The following TPR variants were observed in gnomAD, a reference collection of about 807,000 sequenced individuals.
TPR encodes nucleoprotein TPR.
TPR carries 51 observed loss-of-function variants against 316.1 expected under a neutral mutation model. The ratio of observed to expected loss-of-function variants is 0.16; its 90% CI spans 0.13 to 0.20. TPR has a LOEUF of 0.20. Ranked by LOEUF, TPR falls within the 10% of genes least tolerant of loss-of-function variation. The pLI is 1.00. For synonymous variants in TPR, 981 were observed against 914.7 expected (o/e 1.07, Z -1.31); for missense variants, 2,272 against 2,754.8 (o/e 0.82, Z 3.92).
intron 12 of TPR, among the ~76,000 whole-genome samples, chr1:186,359,038 C>G (rs546357174): frequency 5.8e-4 from 88 of 152,156 alleles, no homozygotes; most frequent in Non-Finnish European, 3.4e-4. Flanking sequence ...AAACTGACTT[C>G]TAAATTATAA....
chr1:186,338,427 A>G (rs2102069974), intron 30 of TPR, among the ~76,000 whole-genome samples, 184 bp from the exon 31 acceptor site: 1 of 152,302 alleles, frequency 6.6e-6, no homozygotes, highest in East Asian at 1.9e-4. Flanking sequence ...ATCTTATTAC[A>G]TAGGTTTACA....
intron 42 of TPR, among the ~76,000 whole-genome samples, chr1:186,324,563 C>A (rs1657860506): frequency 6.6e-6 from 1 of 152,136 alleles, no homozygotes; most frequent in South Asian, 2.1e-4. Context: ...AGATTCAGAT[C>A]CTTGCTCTAA....
intron 43 of TPR, 151 bp downstream of exon 43, chr1:186,323,535 G>C (rs1657829578): frequency 1.4e-6 from 1 of 693,500 alleles, no homozygotes; most frequent in Non-Finnish European, 2.1e-6. Context: ...TTAGTTCAAA[G>C]AATTTTATAA....
In TPR at chr1:186,355,567, T is replaced by C. The variant is rs778979924; in HGVS notation, c.2023-9A>G. ...TCAAAAATTTCCTGCAACTAAATAT[T>C]GGAGATTATGAGAAGGTAACACTGT... On this transcript the variant is annotated splice_polypyrimidine_tract_variant and intron_variant, in intron 16 of 50. Coordinates refer to ENST00000367478, the MANE Select transcript of TPR (RefSeq NM_003292.3). The C allele has an allele frequency of 1.9e-6, 3 of 1,611,914 alleles. No individual in the cohort carries two copies. Among genetic ancestry groups the C allele is most frequent in the African/African-American group, 2.7e-5 (2 of 74,594 alleles).
chr1:186,333,348 G>A lies in TPR; in HGVS notation c.5229C>T (p.Ser1743=), dbSNP rs576052681. Residue 1743 remains serine, a synonymous_variant, in exon 37 of 51, where the codon AGC becomes AGT. Transcript: ENST00000367478. Reference sequence around the variant, plus strand: ...TAGTAGAACGAACGGATCCACTTGTGCTTCCAAAAACTGGAACATGTTCCA... The same window carrying A: ...TAGTAGAACGAACGGATCCACTTGTACTTCCAAAAACTGGAACATGTTCCA... The part of the protein sequence containing the change: ...GPVEHVPVFG[S]TSGSVRSTSP... 420 of 1,613,542 alleles carry A rather than the reference G, an allele frequency of 2.6e-4. 5 individuals are homozygous for A. In the South Asian group the frequency reaches 4.5e-3, roughly 17 times the overall value.
In TPR at chr1:186,356,434, C is replaced by A; in HGVS notation, c.1740G>T (p.Gln580His). Residue 580 changes from glutamine to histidine, a missense_variant, in exon 15 of 51, where the codon CAG becomes CAT. Gln to His is a conservative substitution (Grantham distance 24). Transcript: ENST00000367478. ...CAGTAAGGGCACTCTCAAGTTTGAGCTGAAGCTCAGTGATTCTGTAGAAAA... is the reference window on the plus strand; with the variant it reads ...CAGTAAGGGCACTCTCAAGTTTGAGATGAAGCTCAGTGATTCTGTAGAAAA... ...ETTSSKITEL[Q>H]LKLESALTEL... 1 of 1,609,330 alleles carries A rather than the reference C, an allele frequency of 6.2e-7. No individual in the cohort carries two copies.
rs577119475 is a variant in TPR, at chr1:186,314,327, G to C, written c.7037-301C>G. 3 of 389,244 alleles carry C rather than the reference G, an allele frequency of 7.7e-6. No homozygotes were observed. In the South Asian group the frequency reaches 1.3e-4, roughly 17 times the overall value. 24.1% of individuals were successfully genotyped at this position (389,244 alleles called of 1,614,324 possible). On this transcript the variant is annotated intron_variant, in intron 50 of 50. Coordinates refer to ENST00000367478, the MANE Select transcript of TPR (RefSeq NM_003292.3). The stretch of plus-strand genomic sequence containing the variant: ...AAAAATTAACAATATAATGGCAATA[G>C]GTAGAGATACAACAAATGAATATAA...
intron 17 of TPR, 116 bp from the exon 18 acceptor site, chr1:186,353,966 T>C (rs1296874220): frequency 1.2e-6 from 1 of 856,958 alleles, no homozygotes; most frequent in African/African-American, 1.7e-5. Flanking sequence ...ATATTGTCTC[T>C]AATCCTAATG....
At chr1:186,343,582 C>A in intron 26 of TPR, 109 bp from the exon 27 acceptor site, 1 of 1,001,172 alleles carries the variant, frequency 1.0e-6, no homozygotes, top group Non-Finnish European at 1.4e-6. Flanking sequence ...ATAACTATTA[C>A]ACGTTTTCAT....
intron 12 of TPR, among the ~76,000 whole-genome samples, chr1:186,359,554 T>C (rs942350114): frequency 2.0e-5 from 3 of 152,022 alleles, no homozygotes; most frequent in Non-Finnish European, 2.9e-5. Context: ...AAGGAAAACA[T>C]AGTAAATGCA....
chr1:186,336,260 T>G (rs1170986789), intron 33 of TPR, among the ~76,000 whole-genome samples: 2 of 152,166 alleles, frequency 1.3e-5, no homozygotes, highest in African/African-American at 4.8e-5. Context: ...CAGTATTCCA[T>G]TATCTACTGC....
chr1:186,356,537 T>A, intron 14 of TPR, 88 bp from the exon 15 acceptor site: 1 of 1,269,548 alleles, frequency 7.9e-7, no homozygotes, highest in Non-Finnish European at 1.1e-6. Flanking sequence ...CATCTTTGCC[T>A]ACCATTCATC....
intron 37 of TPR, 54 bp downstream of exon 37, chr1:186,333,068 A>T: frequency 6.3e-7 from 1 of 1,580,028 alleles, no homozygotes; most frequent in East Asian, 2.3e-5. Context: ...AGATACACTC[A>T]AGATCTTATA....
rs139249604 is a variant in TPR at position 186,362,696 on chromosome 1, G to A, written c.696+141C>T. 2.5e-4 allele frequency: 196 copies of A among 778,070 alleles called. No individual in the cohort carries two copies. In the East Asian group the frequency reaches 5.0e-3, roughly 20 times the overall value. The allele number at this position is 778,070 out of a possible 1,614,324, so 48.2% of individuals were successfully genotyped here. A position where few individuals can be genotyped will look rare whatever the true frequency, so the allele number is the denominator to read the frequency against. On this transcript the variant is annotated intron_variant, in intron 6 of 50. Coordinates refer to ENST00000367478, the MANE Select transcript of TPR (RefSeq NM_003292.3). ...TAAACGCAATTGGTTGATTTTTTAC[G>A]CCAAATGTAATGCATTATTCACATT...
At chr1:186,334,237 G>C (rs933501864) in intron 36 of TPR, 88 bp downstream of exon 36, 131 of 1,313,792 alleles carry the variant, frequency 1.0e-4, no homozygotes, top group Non-Finnish European at 1.3e-4. Context: ...AGCTGTAGTG[G>C]ATGCTTCATT....
chr1:186,352,656 A>G (rs756693529), intron 18 of TPR, among the ~76,000 whole-genome samples: 3 of 152,222 alleles, frequency 2.0e-5, no homozygotes, highest in Non-Finnish European at 4.4e-5. Flanking sequence ...ATGATCAATG[A>G]TAAAATTCAC....
rs1157594486 is a variant in TPR at position 186,357,524 on chromosome 1, T to C, written c.1597A>G (p.Ile533Val). ...CTGTAAGATACTAGATGCTGTGATA[T>C]TACCTCAGATGAACTACTTATATCA... Reference protein sequence around the residue: ...SADISSSSEVISQHLVSYRNI... With the variant: ...SADISSSSEVVSQHLVSYRNI... The change falls in exon 14 of 51, where the codon ATA becomes GTA. Residue 533 changes from isoleucine to valine, a missense_variant. Ile to Val is a conservative substitution (Grantham distance 29). This residue lies in a region of TPR where 11 missense variants were observed against 36.7 expected (regional missense o/e 0.30). Transcript: ENST00000367478. The C allele has an allele frequency of 6.2e-7, 1 of 1,614,140 alleles. No homozygotes were observed. The highest frequency in any genetic ancestry group is 1.1e-5 in the South Asian group (1 of 91,076).
Position 186,360,770 on chromosome 1 carries a change from C to T in TPR, c.1094G>A (p.Arg365His), listed in dbSNP as rs1406730874. 11 of 1,612,572 alleles carry T rather than the reference C, an allele frequency of 6.8e-6. No individual in the cohort carries two copies. Among genetic ancestry groups the T allele is most frequent in the East Asian group, 2.2e-5 (1 of 44,772 alleles). Residue 365 changes from arginine (R) to histidine (H), a missense_variant, in exon 10 of 51, where the codon CGT (arginine) becomes CAT (histidine). Transcript: ENST00000367478. ...CAAGCATCTATTAGCCATACCTTTA[C>T]GTTTTGTGGCAGAAAGAAGGTCATT... ...NANDLLSATKRKGAILSEEEL... is the reference protein window; with the variant it reads ...NANDLLSATKHKGAILSEEEL...
At chr1:186,361,993 A>T in intron 7 of TPR, 124 bp from the exon 8 acceptor site, 1 of 807,262 alleles carries the variant, frequency 1.2e-6, no homozygotes, top group Non-Finnish European at 1.9e-6. Flanking sequence ...TCAAATTCAA[A>T]TCAGTCTTCA....
Sources: gnomAD v4.1 joint callset for allele counts (sites outside exome capture counted in the v4.1 genomes callset) on GRCh38, gnomAD v4.1.1 for gene constraint, gnomAD v4.1.1 regional missense constraint, MANE v1.5 for transcripts, NCBI Gene and HGNC (gene_info 2026-07-23, HGNC 2026-07-21) for gene names.